ROBO2: variants seen among roughly 807,000 people sequenced by gnomAD.
ROBO2 encodes the protein roundabout guidance receptor 2, also known as roundabout homolog 2.
ROBO2 carries 53 observed loss-of-function variants against 160.8 expected under a neutral mutation model. The observed-to-expected ratio is 0.33, with a 90% CI of 0.26 to 0.41. The LOEUF (loss-of-function observed/expected upper bound fraction) is 0.41. Ranked by LOEUF, ROBO2 falls within the 10% of genes least tolerant of loss-of-function variation. ROBO2 has a pLI of 1.00. For synonymous variants in ROBO2, 664 were observed against 611.7 expected (o/e 1.09, Z -1.26); for missense variants, 1,577 against 1,722.4 (o/e 0.92, Z 1.49).
At chr3:77,317,419 ATC>A in intron 2 of ROBO2, 1 of 1,436,770 alleles carries the variant, frequency 7.0e-7, no homozygotes. Context: ...TAGTCAGTCC[ATC>A]GGTACCTGGT....
chr3:76,974,811 G>T (rs1156500795), intron 2 of ROBO2, among the ~76,000 whole-genome samples: 5 of 152,044 alleles, frequency 3.3e-5, no homozygotes, highest in Admixed American at 6.6e-5. Flanking sequence ...AGGGCTTTGT[G>T]GGATAGTAAT....
rs184085520 is a variant in ROBO2, at chr3:76,820,125, T to G, written c.110-277889T>G. ...ATTGAAAAAGGCCTGTTAATCGATT[T>G]GTTTCATGTACACATTTTGATTCAC... is the stretch of plus-strand genomic sequence containing the variant. On this transcript the variant is annotated intron_variant, in intron 2 of 26. Transcript: ENST00000487694. Among the ~76,000 whole-genome samples, 36 of 152,200 alleles carry G rather than the reference T, an allele frequency of 2.4e-4. No individual in the cohort carries two copies. The East Asian group carries it at 7.0e-3, about 30-fold the overall frequency.
chr3:76,345,459 TA>T (rs1165122180), intron 2 of ROBO2, among the ~76,000 whole-genome samples: 52 of 131,626 alleles, frequency 4.0e-4, no homozygotes, highest in African/African-American at 1.4e-3. Context: ...TTTTTTTTTT[TA>T]AGCACAGGGG....
intron 2 of ROBO2, among the ~76,000 whole-genome samples, chr3:75,981,730 G>A (rs1368510037): frequency 6.6e-6 from 1 of 150,928 alleles, no homozygotes; most frequent in African/African-American, 2.4e-5. Context: ...TGGAGAATGG[G>A]GTATCCATTC....
intron 2 of ROBO2, among the ~76,000 whole-genome samples, chr3:77,337,866 A>G (rs2066645050): frequency 6.6e-6 from 1 of 152,168 alleles, no homozygotes; most frequent in Admixed American, 6.6e-5. Context: ...AAATCATTTT[A>G]TTAGTCATGT....
intron 2 of ROBO2, among the ~76,000 whole-genome samples, chr3:76,088,182 C>T (rs543315407): frequency 1.3e-4 from 19 of 151,978 alleles, no homozygotes; most frequent in Non-Finnish European, 2.7e-4. Context: ...CATAAAAATC[C>T]TTAGTGCGTA....
chr3:76,272,832 T>TATATATATATATATAAA lies in ROBO2; in HGVS notation c.109+335238_109+335239insATATATAAAATATATAT, dbSNP rs1707574374. On this transcript the variant is annotated intron_variant, in intron 2 of 26. Transcript: ENST00000487694. ...ATATAATATGTATTTATATATAAAATATATATATTATATATTATATATAAA... is the reference window on the plus strand; with the variant it reads ...ATATAATATGTATTTATATATAAAATATATATATATATATAAAATATATATTATATATTATATATAAA... 1.6e-4 allele frequency among the ~76,000 whole-genome samples: 6 copies of TATATATATATATATAAA among 38,284 alleles called. No homozygotes were observed. In the East Asian group the frequency reaches 3.7e-3, roughly 24 times the overall value. 25.1% of individuals were successfully genotyped at this position (38,284 alleles called of 152,430 possible).
chr3:76,949,603 C>G (rs796542402), intron 2 of ROBO2, among the ~76,000 whole-genome samples: 2 of 151,864 alleles, frequency 1.3e-5, no homozygotes, highest in Admixed American at 6.6e-5. Context: ...CCCTATTTCC[C>G]GTGTCCACAG....
At chr3:77,554,514 G>A (rs906011141) in intron 8 of ROBO2, among the ~76,000 whole-genome samples, 1 of 151,946 alleles carries the variant, frequency 6.6e-6, no homozygotes, top group Non-Finnish European at 1.5e-5. Flanking sequence ...TTCTGGAAAG[G>A]ATATACCATT....
chr3:77,197,450 G>A (rs894328103), intron 2 of ROBO2, among the ~76,000 whole-genome samples: 15 of 152,088 alleles, frequency 9.9e-5, no homozygotes, highest in Non-Finnish European at 1.8e-4. Context: ...AAAGAGACTG[G>A]GTAAAATAAT....
chr3:77,517,942 G>A (rs2090193273), intron 5 of ROBO2, among the ~76,000 whole-genome samples: 1 of 151,414 alleles, frequency 6.6e-6, no homozygotes, highest in African/African-American at 2.4e-5. Context: ...AAGAGTCTTG[G>A]AACATTTTCC....
intron 2 of ROBO2, among the ~76,000 whole-genome samples, chr3:75,980,617 C>T (rs989939613): frequency 6.6e-6 from 1 of 151,412 alleles, no homozygotes; most frequent in Non-Finnish European, 1.5e-5. Context: ...CTGGGCTGCA[C>T]CTAATTATTG....
chr3:77,443,148 CAA>C (rs1309747385), intron 2 of ROBO2, among the ~76,000 whole-genome samples: 5 of 152,176 alleles, frequency 3.3e-5, no homozygotes, highest in Admixed American at 2.0e-4. Flanking sequence ...AATGTAAAAT[CAA>C]AGTCTTATTA....
intron 2 of ROBO2, among the ~76,000 whole-genome samples, chr3:76,339,558 C>T (rs149042141): frequency 1.1e-3 from 164 of 152,138 alleles, no homozygotes; most frequent in African/African-American, 3.3e-3. Context: ...GGGCGAGACA[C>T]CTGCCCTCTA....
chr3:77,508,633 G>A (rs2088926459), intron 5 of ROBO2, among the ~76,000 whole-genome samples: 2 of 151,678 alleles, frequency 1.3e-5, no homozygotes, highest in African/African-American at 4.8e-5. Context: ...ATAGTGTAAT[G>A]ACAAACAATA....
intron 2 of ROBO2, among the ~76,000 whole-genome samples, chr3:76,091,765 T>C (rs540167978): frequency 1.3e-5 from 2 of 152,172 alleles, no homozygotes; most frequent in Non-Finnish European, 1.5e-5. Context: ...AAATAAACTA[T>C]CAAGCTATGA....
At chr3:76,836,913 A>G (rs1164709047) in intron 2 of ROBO2, among the ~76,000 whole-genome samples, 2 of 151,836 alleles carry the variant, frequency 1.3e-5, no homozygotes, top group Non-Finnish European at 2.9e-5. Context: ...TGATGACGTT[A>G]CTTGCATCTT....
At chr3:76,546,037 T>C (rs2083079433) in intron 2 of ROBO2, among the ~76,000 whole-genome samples, 1 of 151,862 alleles carries the variant, frequency 6.6e-6, no homozygotes, top group Non-Finnish European at 1.5e-5. Context: ...TAAGTTCCCA[T>C]CCACAGTTTT....
intron 2 of ROBO2, among the ~76,000 whole-genome samples, chr3:76,668,557 C>T (rs547028226): frequency 1.3e-5 from 2 of 152,214 alleles, no homozygotes; most frequent in South Asian, 2.1e-4. Flanking sequence ...CAAGCAAAAC[C>T]GCTGTACAAC....
Sources: allele counts gnomAD v4.1 joint callset (sites outside exome capture counted in the v4.1 genomes callset), GRCh38; gene constraint gnomAD v4.1.1; transcripts MANE v1.5; gene names NCBI Gene and HGNC (gene_info 2026-07-23, HGNC 2026-07-21).